The following MPDZ variants were observed in gnomAD, a reference collection of about 807,000 sequenced individuals.
The protein encoded by MPDZ is multiple PDZ domain protein.
A neutral mutation model predicts 239.1 loss-of-function variants in MPDZ; 234 were observed. The observed-to-expected ratio is 0.98, with a 90% CI of 0.88 to 1.09. MPDZ has a LOEUF of 1.09. Ranked by LOEUF, MPDZ falls within the 50% of genes least tolerant of loss-of-function variation. The pLI is 0.00. For missense variants in MPDZ, 3,175 were observed against 2,510.0 expected, an observed-to-expected ratio of 1.26 and a Z score of -5.66; for synonymous variants, 1,048 against 881.3, an observed-to-expected ratio of 1.19 and a Z score of -3.35.
intron 10 of MPDZ, among the ~76,000 whole-genome samples, chr9:13,214,230 T>C (rs1790124461): frequency 6.6e-6 from 1 of 152,046 alleles, no homozygotes; most frequent in South Asian, 2.1e-4. Flanking sequence ...AAAGGAATAT[T>C]ATTCAGCAAT....
intron 3 of MPDZ, among the ~76,000 whole-genome samples, chr9:13,232,862 G>A (rs1283043427): frequency 7.0e-6 from 1 of 143,218 alleles, no homozygotes; most frequent in African/African-American, 2.6e-5. Flanking sequence ...AGAAAAATGG[G>A]TGGAAAAAAA....
chr9:13,143,416 A>C (rs1020102919), intron 27 of MPDZ, 50 bp downstream of exon 27: 1 of 1,385,112 alleles, frequency 7.2e-7, no homozygotes, highest in African/African-American at 1.4e-5. Flanking sequence ...AACAAAGAAC[A>C]AAACATTTGC....
intron 1 of MPDZ, among the ~76,000 whole-genome samples, chr9:13,276,123 G>C (rs1564185251): frequency 6.6e-6 from 1 of 152,024 alleles, no homozygotes; most frequent in Admixed American, 6.5e-5. Flanking sequence ...TACACTTCTG[G>C]AGCAGAATCA....
chr9:13,218,947 TAA>T (rs749462349), intron 8 of MPDZ, among the ~76,000 whole-genome samples: 7 of 152,080 alleles, frequency 4.6e-5, no homozygotes, highest in Non-Finnish European at 7.4e-5. Flanking sequence ...TGCATATGAA[TAA>T]AGTTTTTGTT....
In MPDZ at chr9:13,125,005, C is replaced by T. The variant is rs906118454; in HGVS notation, c.4807+211G>A. Among the ~76,000 whole-genome samples the T allele has an allele frequency of 1.4e-4, 21 of 152,062 alleles. 1 individual carries two copies. Among genetic ancestry groups the T allele is most frequent in the Admixed American group, 1.4e-3 (21 of 15,272 alleles). ...TAGGTTTCCTAAGATGCCACAGCTG[C>T]TTAATGTACAGCACATAGATTGCCT... On this transcript the variant is annotated intron_variant, in intron 35 of 46. Transcript: ENST00000319217.
chr9:13,168,618 T>C, intron 21 of MPDZ, 54 bp from the exon 22 acceptor site: 6 of 1,235,304 alleles, frequency 4.9e-6, no homozygotes, highest in Non-Finnish European at 6.6e-6. Context: ...TTCAATTCAT[T>C]TTAATTTGAA....
At chr9:13,214,023 T>C (rs146625191) in intron 10 of MPDZ, among the ~76,000 whole-genome samples, 39 of 152,152 alleles carry the variant, frequency 2.6e-4, no homozygotes, top group African/African-American at 8.9e-4. Flanking sequence ...ATTTGGTAAC[T>C]GGTAAAACAC....
intron 6 of MPDZ, among the ~76,000 whole-genome samples, 172 bp from the exon 7 acceptor site, chr9:13,221,672 G>A (rs534903181): frequency 1.3e-5 from 2 of 151,930 alleles, no homozygotes; most frequent in South Asian, 2.1e-4. Flanking sequence ...TCAACAGAAT[G>A]TAAGTGCCAT....
At chr9:13,161,214 A>G (rs766520836) in intron 23 of MPDZ, among the ~76,000 whole-genome samples, 3 of 152,006 alleles carry the variant, frequency 2.0e-5, no homozygotes, top group Non-Finnish European at 2.9e-5. Flanking sequence ...AAGCAAGATC[A>G]CAATGAATGC....
intron 3 of MPDZ, among the ~76,000 whole-genome samples, chr9:13,235,339 A>C (rs1963661049): frequency 6.6e-6 from 1 of 152,194 alleles, no homozygotes; most frequent in African/African-American, 2.4e-5. Flanking sequence ...AAATAGAACA[A>C]GCACAATTTT....
intron 14 of MPDZ, 73 bp from the exon 15 acceptor site, chr9:13,192,368 A>G (rs1442426416): frequency 7.5e-7 from 1 of 1,336,294 alleles, no homozygotes; most frequent in South Asian, 1.4e-5. Context: ...CAATTTTTTT[A>G]TTAAATATAA....
intron 21 of MPDZ, among the ~76,000 whole-genome samples, chr9:13,173,990 C>G (rs1474079895): frequency 6.6e-6 from 1 of 152,154 alleles, no homozygotes; most frequent in East Asian, 1.9e-4. Flanking sequence ...TCTGATTTTG[C>G]CAGTCATCAT....
At chr9:13,110,988 C>T (rs930044493) in intron 43 of MPDZ, among the ~76,000 whole-genome samples, 2 of 152,184 alleles carry the variant, frequency 1.3e-5, no homozygotes, top group Admixed American at 6.5e-5. Context: ...AGTCACTCTT[C>T]CCTGCTCTTC....
chr9:13,137,830 C>T (rs1947054940), intron 29 of MPDZ, 127 bp downstream of exon 29: 1 of 948,596 alleles, frequency 1.1e-6, no homozygotes, highest in East Asian at 2.6e-5. Flanking sequence ...TGCTGCAATG[C>T]ATCTATTTTA....
chr9:13,120,559 CAA>C (rs1288186014), intron 38 of MPDZ: 1 of 151,998 alleles, frequency 6.6e-6, no homozygotes, highest in Non-Finnish European at 1.5e-5. Context: ...TACTGTATTC[CAA>C]AAAAAGTCTA....
chr9:13,126,924 C>G (rs1945208690), intron 32 of MPDZ, among the ~76,000 whole-genome samples, 152 bp from the exon 33 acceptor site: 1 of 152,168 alleles, frequency 6.6e-6, no homozygotes, highest in Non-Finnish European at 1.5e-5. Flanking sequence ...GAAATCTTGT[C>G]TTTTCTTAAA....
chr9:13,230,830 T>C (rs1962206770), intron 3 of MPDZ, among the ~76,000 whole-genome samples: 1 of 152,086 alleles, frequency 6.6e-6, no homozygotes, highest in Admixed American at 6.6e-5. Flanking sequence ...ATACTGCATA[T>C]ACTGCAAACT....
rs748794859 is a variant in MPDZ, at chr9:13,186,313, G to A, written c.2438C>T (p.Ala813Val). Residue 813 changes from alanine to valine, a missense_variant, in exon 18 of 47, where the codon GCA becomes GTA. Coordinates refer to ENST00000319217, the MANE Select transcript of MPDZ (RefSeq NM_001378778.1). The part of the protein sequence containing the change: ...FLYPPHSCEE[A>V]GLADKPLFRA... ...GAAGAGGGGTTTGTCAGCCAGCCCT[G>A]CTTCCTCACAGGAGTGTGGTGGGTA... The A allele has an allele frequency of 4.4e-6, 7 of 1,596,102 alleles. No individual in the cohort carries two copies. Among genetic ancestry groups the A allele is most frequent in the African/African-American group, 2.7e-5 (2 of 74,518 alleles).
intron 28 of MPDZ, among the ~76,000 whole-genome samples, chr9:13,139,034 A>G (rs1947266191): frequency 6.6e-6 from 1 of 152,244 alleles, no homozygotes; most frequent in African/African-American, 2.4e-5. Flanking sequence ...ATTGATTGTT[A>G]GCAATATGCT....
Sources: allele counts gnomAD v4.1 joint callset (sites outside exome capture counted in the v4.1 genomes callset), GRCh38; gene constraint gnomAD v4.1.1; transcripts MANE v1.5; gene names NCBI Gene and HGNC (gene_info 2026-07-23, HGNC 2026-07-21).